Variants in GREB1L observed in about 807,000 individuals in gnomAD.
The protein encoded by GREB1L is GREB1 like retinoic acid receptor coactivator, also known as GREB1-like protein.
A neutral mutation model predicts 200.8 loss-of-function variants in GREB1L; 17 were observed. The ratio of observed to expected loss-of-function variants is 0.08; its 90% confidence interval spans 0.06 to 0.13. The LOEUF is 0.13. Among genes scored for constraint, GREB1L ranks in the 10% least tolerant of loss-of-function variants. GREB1L has a pLI of 1.00. For missense variants in GREB1L, 1,657 were observed against 2,367.7 expected (o/e 0.70, Z 6.23); for synonymous variants, 789 against 893.0 (o/e 0.88, Z 2.08).
chr18:21,522,499 A>G (rs973071420), intron 32 of GREB1L, among the ~76,000 whole-genome samples, 159 bp from the exon 33 acceptor site: 28 of 152,264 alleles, frequency 1.8e-4, no homozygotes, highest in African/African-American at 6.3e-4. Context: ...AAAATTACTG[A>G]ATTTGCAAAA....
At chr18:21,516,542 T>G in intron 29 of GREB1L, 71 bp from the exon 30 acceptor site, 1 of 1,388,944 alleles carries the variant, frequency 7.2e-7, no homozygotes, top group East Asian at 2.5e-5. Flanking sequence ...CACACATTTA[T>G]TTCTCTGTGT....
rs746026291 is a variant in GREB1L, at chr18:21,473,017, TTTC to T, written c.2183-8_2183-6del. 42 of 1,506,842 alleles carry T rather than the reference TTTC, an allele frequency of 2.8e-5. No homozygotes were observed. Among genetic ancestry groups the T allele is most frequent in the Non-Finnish European group, 3.6e-5 (41 of 1,123,658 alleles). 93.3% of individuals were successfully genotyped at this position (1,506,842 alleles called of 1,614,324 possible). On this transcript the variant is annotated splice_polypyrimidine_tract_variant and intron_variant, in intron 15 of 32. Transcript: ENST00000424526. The stretch of plus-strand genomic sequence containing the variant: ...AAAAGTGTGTTAAAAGATGAACTTT[TTTC>T]TTCTTGGCAGGTGTCCTTGTAGACT...
chr18:21,389,500 G>A (rs1174990593), intron 4 of GREB1L, among the ~76,000 whole-genome samples: 3 of 151,374 alleles, frequency 2.0e-5, no homozygotes, highest in Non-Finnish European at 2.9e-5. Context: ...CTCATAAATG[G>A]GAAAACCCTC....
intron 15 of GREB1L, among the ~76,000 whole-genome samples, chr18:21,461,051 C>T (rs1473140316): frequency 1.3e-5 from 2 of 149,740 alleles, no homozygotes; most frequent in Non-Finnish European, 1.5e-5. Flanking sequence ...GAGCCGAGAT[C>T]GCATCACTGC....
At chr18:21,343,837 G>T (rs892930383) in intron 1 of GREB1L, among the ~76,000 whole-genome samples, 1 of 149,022 alleles carries the variant, frequency 6.7e-6, no homozygotes, top group Non-Finnish European at 1.5e-5. Context: ...CAGGATTCAA[G>T]TGATTCCCCC....
chr18:21,335,928 G>T (rs2039178418), intron 1 of GREB1L, among the ~76,000 whole-genome samples: 2 of 152,190 alleles, frequency 1.3e-5, no homozygotes, highest in Non-Finnish European at 2.9e-5. Flanking sequence ...CTCCCAAAGT[G>T]CTGGGATTAC....
Position 21,383,552 on chromosome 18 carries a change from G to C in GREB1L, c.34G>C (p.Ala12Pro). The part of the protein sequence containing the change: ...GNSYAGQLKS[A>P]RFEEALHNSI... ...TTCATATGCTGGGCAACTGAAATCT[G>C]CTCGATTTGAGGAAGCTCTCCACAA... Residue 12 changes from alanine to proline, a missense_variant, in exon 3 of 33, where the codon GCT becomes CCT. Physicochemically the swap from Ala to Pro is conservative, Grantham distance 27. Around this residue, in one of 9 missense-constraint regions of GREB1L, gnomAD observed 121 missense variants for 126.6 expected, o/e 0.96. Coordinates refer to ENST00000424526, the MANE Select transcript of GREB1L (RefSeq NM_001142966.3). The C allele has an allele frequency of 6.5e-7, 1 of 1,546,294 alleles. No homozygotes were observed. Among genetic ancestry groups the C allele is most frequent in the Non-Finnish European group, 8.7e-7 (1 of 1,145,364 alleles).
intron 15 of GREB1L, among the ~76,000 whole-genome samples, chr18:21,460,231 A>G (rs1475104227): frequency 6.6e-6 from 1 of 152,096 alleles, no homozygotes; most frequent in Non-Finnish European, 1.5e-5. Context: ...CTGGAGTACA[A>G]TGGCATGATC....
chr18:21,285,858 G>A (rs2038346458), intron 1 of GREB1L, among the ~76,000 whole-genome samples: 1 of 151,748 alleles, frequency 6.6e-6, no homozygotes, highest in African/African-American at 2.4e-5. Flanking sequence ...ACTTGCTTGT[G>A]GGGTAGAGGT....
intron 1 of GREB1L, among the ~76,000 whole-genome samples, chr18:21,347,034 T>C (rs1325878126): frequency 1.3e-5 from 2 of 152,200 alleles, no homozygotes; most frequent in Non-Finnish European, 2.9e-5. Context: ...TTTTCATTCC[T>C]GATCCTATTT....
At chr18:21,301,685 T>A (rs1363702833) in intron 1 of GREB1L, among the ~76,000 whole-genome samples, 1 of 152,208 alleles carries the variant, frequency 6.6e-6, no homozygotes, top group Non-Finnish European at 1.5e-5. Flanking sequence ...CTTAGATAAA[T>A]CCTCATCAGT....
At chr18:21,273,567 TA>T (rs1308084962) in intron 1 of GREB1L, among the ~76,000 whole-genome samples, 1 of 152,214 alleles carries the variant, frequency 6.6e-6, no homozygotes, top group Non-Finnish European at 1.5e-5. Flanking sequence ...AATCTGTAAT[TA>T]TATAATTAAA....
intron 17 of GREB1L, among the ~76,000 whole-genome samples, chr18:21,478,537 G>A (rs558197305): frequency 1.3e-4 from 20 of 152,274 alleles, no homozygotes; most frequent in Non-Finnish European, 2.2e-4. Flanking sequence ...CATGAAGTAG[G>A]TAAGTTCTCT....
chr18:21,524,665 G>A lies in GREB1L; in HGVS notation c.*1844G>A, dbSNP rs2037654987. On this transcript the variant is annotated 3_prime_UTR_variant, in exon 33 of 33. Transcript: ENST00000424526. ...TGAAACAATTGTACCTGGGGTGGAT[G>A]GCCTCTCAGGGTTTCTTCTGGCTTT... The A allele has an allele frequency of 6.6e-6, 1 of 152,050 alleles. No homozygotes were observed. Among genetic ancestry groups the A allele is most frequent in the Admixed American group, 6.6e-5 (1 of 15,258 alleles). 9.4% of individuals were successfully genotyped at this position (152,050 alleles called of 1,614,324 possible).
At chr18:21,375,889 T>TCACCAC (rs955163293) in intron 2 of GREB1L, among the ~76,000 whole-genome samples, 3 of 151,880 alleles carry the variant, frequency 2.0e-5, no homozygotes, top group Admixed American at 2.0e-4. Flanking sequence ...ACCACCACCA[T>TCACCAC]CACCACCACC....
chr18:21,438,058 A>G (rs2033657693), intron 7 of GREB1L, among the ~76,000 whole-genome samples: 1 of 152,114 alleles, frequency 6.6e-6, no homozygotes, highest in Admixed American at 6.6e-5. Flanking sequence ...AGGAGGGTAG[A>G]TCACTTGAAC....
intron 3 of GREB1L, among the ~76,000 whole-genome samples, 164 bp downstream of exon 3, chr18:21,383,839 A>G (rs575598547): frequency 2.1e-5 from 3 of 144,120 alleles, no homozygotes; most frequent in Non-Finnish European, 4.4e-5. Context: ...CAGCCTCCTG[A>G]GTAGCTGGGA....
intron 18 of GREB1L, 129 bp downstream of exon 18, chr18:21,485,882 A>C: frequency 1.3e-6 from 1 of 788,538 alleles, no homozygotes; most frequent in Non-Finnish European, 2.0e-6. Flanking sequence ...GCAAAGGCCA[A>C]ATTAAAACAG....
At chr18:21,337,516 GTGCTTGTAAGCACCCTTCT>G (rs2039203125) in intron 1 of GREB1L, among the ~76,000 whole-genome samples, 1 of 152,098 alleles carries the variant, frequency 6.6e-6, no homozygotes, top group South Asian at 2.1e-4. Context: ...AAACTCTCTG[GTGCTTGTAAGCACCCTTCT>G]TGAGGAATTC....
Sources: gnomAD v4.1 joint callset for allele counts (sites outside exome capture counted in the v4.1 genomes callset) on GRCh38, gnomAD v4.1.1 for gene constraint, gnomAD v4.1.1 regional missense constraint, MANE v1.5 for transcripts, NCBI Gene and HGNC (gene_info 2026-07-23, HGNC 2026-07-21) for gene names.